Variants in PCDH15 observed in about 807,000 individuals in gnomAD.
The protein encoded by PCDH15 is protocadherin-15.
PCDH15 carries 129 observed loss-of-function variants against 178.5 expected under a neutral mutation model. The ratio of observed to expected loss-of-function variants is 0.72; its 90% CI spans 0.63 to 0.84. The LOEUF (loss-of-function observed/expected upper bound fraction) is 0.84. Ranked by LOEUF, PCDH15 falls within the 40% of genes least tolerant of loss-of-function variation. PCDH15 has a pLI of 0.00. For missense variants in PCDH15, 2,230 were observed against 2,099.9 expected (o/e 1.06, Z -1.21); for synonymous variants, 800 against 732.0 (o/e 1.09, Z -1.50).
intron 28 of PCDH15, among the ~76,000 whole-genome samples, chr10:53,843,677 C>T (rs548486549): frequency 6.6e-6 from 1 of 152,104 alleles, no homozygotes; most frequent in South Asian, 2.1e-4. Context: ...CCTATTTCCT[C>T]TCCCCAACTT....
Position 55,155,906 on chromosome 10 carries a change from T to G in PCDH15, c.-80+10670A>C, listed in dbSNP as rs369257338. ...AGCGATTTCTGACAAGGTACTTCAA[T>G]AGAGATATTTTTCACTAAGCCTCCA... On this transcript the variant is annotated intron_variant, in intron 2 of 5. Coordinates refer to the PCDH15 transcript ENST00000458638. 2.6e-5 allele frequency among the ~76,000 whole-genome samples: 4 copies of G among 152,104 alleles called. No individual in the cohort carries two copies. The East Asian group carries it at 7.7e-4, about 29-fold the overall frequency.
At chr10:55,531,483 A>G (rs1589115498) in intron 2 of PCDH15, among the ~76,000 whole-genome samples, 1 of 151,980 alleles carries the variant, frequency 6.6e-6, no homozygotes, top group African/African-American at 2.4e-5. Context: ...ATAAATAAGA[A>G]TCTCTGGAAG....
intron 2 of PCDH15, among the ~76,000 whole-genome samples, chr10:55,497,511 C>T (rs1319003316): frequency 6.6e-6 from 1 of 151,590 alleles, no homozygotes; most frequent in Non-Finnish European, 1.5e-5. Flanking sequence ...GCTTTGATGA[C>T]TTGATCATTA....
At chr10:54,144,990 G>A (rs577248143) in intron 14 of PCDH15, among the ~76,000 whole-genome samples, 2 of 152,062 alleles carry the variant, frequency 1.3e-5, no homozygotes, top group Non-Finnish European at 2.9e-5. Context: ...TTTTTGGTTT[G>A]TAATAAAGGA....
chr10:55,225,015 C>T (rs1192696692), intron 1 of PCDH15, among the ~76,000 whole-genome samples: 1 of 152,080 alleles, frequency 6.6e-6, no homozygotes, highest in Admixed American at 6.6e-5. Context: ...TAGACATCTT[C>T]TTAACACTTA....
chr10:54,914,738 T>C (rs1215402513), intron 2 of PCDH15, among the ~76,000 whole-genome samples: 1 of 152,210 alleles, frequency 6.6e-6, no homozygotes, highest in Non-Finnish European at 1.5e-5. Context: ...AGGCTTCTAC[T>C]AAGAAATTCA....
intron 2 of PCDH15, among the ~76,000 whole-genome samples, chr10:55,363,803 C>T (rs189100494): frequency 1.1e-4 from 16 of 152,014 alleles, no homozygotes; most frequent in Admixed American, 7.9e-4. Context: ...ACCCCACTAA[C>T]TTTTTTCATA....
chr10:53,982,564 A>C (rs1291152211), intron 21 of PCDH15, among the ~76,000 whole-genome samples: 18 of 151,456 alleles, frequency 1.2e-4, no homozygotes, highest in African/African-American at 4.4e-4. Context: ...GCAAACTATC[A>C]CAAGGACAAA....
At chr10:55,582,596 G>GTGTATA (rs1335355640) in intron 2 of PCDH15, among the ~76,000 whole-genome samples, 1 of 90,324 alleles carries the variant, frequency 1.1e-5, no homozygotes, top group African/African-American at 4.7e-5. Flanking sequence ...ATGTGTATGT[G>GTGTATA]TATATATATA....
intron 1 of PCDH15, among the ~76,000 whole-genome samples, chr10:55,190,594 T>C (rs1332897682): frequency 6.6e-6 from 1 of 151,716 alleles, no homozygotes; most frequent in Non-Finnish European, 1.5e-5. Flanking sequence ...AAAAATACTG[T>C]TTAATAATAA....
intron 29 of PCDH15, among the ~76,000 whole-genome samples, chr10:53,833,305 T>C (rs1336160530): frequency 6.6e-6 from 1 of 152,122 alleles, no homozygotes; most frequent in Non-Finnish European, 1.5e-5. Context: ...TTAGTCTTTT[T>C]ACACTGCAAG....
At chr10:54,132,774 T>A (rs929348160) in intron 15 of PCDH15, 101 bp downstream of exon 15, 1 of 1,527,116 alleles carries the variant, frequency 6.5e-7, no homozygotes, top group African/African-American at 1.4e-5. Flanking sequence ...GGCAAGCATG[T>A]GAGGTTTCTC....
chr10:54,109,363 G>A (rs540517825), intron 15 of PCDH15, among the ~76,000 whole-genome samples: 1 of 152,144 alleles, frequency 6.6e-6, no homozygotes, highest in East Asian at 1.9e-4. Flanking sequence ...TGGGAAAACT[G>A]GATATCCATA....
chr10:54,800,019 C>G (rs141359314), intron 1 of PCDH15, among the ~76,000 whole-genome samples: 1 of 152,066 alleles, frequency 6.6e-6, no homozygotes, highest in East Asian at 1.9e-4. Flanking sequence ...CTAGATTTGA[C>G]AATTGGCTCT....
intron 2 of PCDH15, among the ~76,000 whole-genome samples, chr10:55,072,463 C>T (rs1489750384): frequency 1.8e-4 from 28 of 152,220 alleles, no homozygotes; most frequent in Non-Finnish European, 3.4e-4. Context: ...GAGAATACTA[C>T]GAACACCTCT....
In PCDH15 at chr10:54,423,904, A is replaced by G. The variant is rs1478409161; in HGVS notation, c.158-44962T>C. 2.6e-5 allele frequency among the ~76,000 whole-genome samples: 4 copies of G among 152,106 alleles called. No homozygotes were observed. In the East Asian group the frequency reaches 5.8e-4, roughly 22 times the overall value. ...ACTTAAATGTTAGACCTAAAATCAT[A>G]AAAACCCTAGAAGAAAACCTAGGCA... On this transcript the variant is annotated intron_variant, in intron 3 of 37. Coordinates refer to ENST00000644397, the MANE Select transcript of PCDH15 (RefSeq NM_001384140.1).
chr10:55,228,605 T>C (rs1034171035), intron 1 of PCDH15, among the ~76,000 whole-genome samples: 1 of 152,008 alleles, frequency 6.6e-6, no homozygotes, highest in African/African-American at 2.4e-5. Flanking sequence ...GTATGTTTGA[T>C]TCAATCTCAT....
At chr10:55,296,721 A>T (rs571931509) in intron 1 of PCDH15, among the ~76,000 whole-genome samples, 50 of 151,934 alleles carry the variant, frequency 3.3e-4, no homozygotes, top group Admixed American at 7.2e-4. Flanking sequence ...TTTTTAATTT[A>T]TTTTTTTTAA....
chr10:55,025,925 T>C (rs527373116), intron 2 of PCDH15, among the ~76,000 whole-genome samples: 1 of 152,184 alleles, frequency 6.6e-6, no homozygotes, highest in East Asian at 1.9e-4. Context: ...TTTTACTTTA[T>C]TTATTTATAA....
Sources: allele counts gnomAD v4.1 joint callset (sites outside exome capture counted in the v4.1 genomes callset), GRCh38; gene constraint gnomAD v4.1.1; transcripts MANE v1.5; gene names NCBI Gene and HGNC (gene_info 2026-07-23, HGNC 2026-07-21).